The following CHD3 variants were observed in gnomAD, a reference collection of about 807,000 sequenced individuals.
The protein encoded by CHD3 is chromodomain helicase DNA binding protein 3, also known as ATP-dependent chromatin remodeler CHD3.
In CHD3, 52 loss-of-function variants were observed where a neutral mutation model predicts 248.9. The observed-to-expected ratio is 0.21, with a 90% CI of 0.17 to 0.26. CHD3 has a LOEUF of 0.26. CHD3 is among the 10% of genes least tolerant of loss of function. CHD3 has a pLI of 1.00. For synonymous variants in CHD3, 985 were observed against 985.2 expected, an observed-to-expected ratio of 1.00 and a Z score of 0.00; for missense variants, 1,482 against 2,605.8, an observed-to-expected ratio of 0.57 and a Z score of 9.39.
At chr17:7,898,760 A>C (rs1480054376) in intron 13 of CHD3, among the ~76,000 whole-genome samples, 165 bp downstream of exon 13, 7 of 152,200 alleles carry the variant, frequency 4.6e-5, no homozygotes. Flanking sequence ...TTTGGCCTGA[A>C]AGGGCAGGAG....
At chr17:7,885,043 G>GCCGCCACCGCTGCCC, upstream of CHD3, 1 of 1,088,848 alleles carries the variant, frequency 9.2e-7, no homozygotes, top group Non-Finnish European at 1.1e-6. Flanking sequence ...CGCCGCCGCC[G>GCCGCCACCGCTGCCC]CCGCCACCGC....
rs367926390 is a variant in CHD3 at position 7,895,202 on chromosome 17, C to G, written c.1503+52C>G. On this transcript the variant is annotated intron_variant, in intron 9 of 39. Coordinates refer to ENST00000330494, the MANE Select transcript of CHD3 (RefSeq NM_001005273.3). The surrounding 1 kb of genome is among the most constrained non-coding windows in gnomAD (Gnocchi z 4.9). ...TTTACTGTCAGGCCTGATCCCTTCC[C>G]CCATCCCTGGGGCCCACATGTCCAG... is the stretch of plus-strand genomic sequence containing the variant. 5 of 1,593,292 alleles carry G rather than the reference C, an allele frequency of 3.1e-6. No homozygotes were observed. The highest frequency in any genetic ancestry group is 1.1e-5 in the South Asian group (1 of 88,000).
rs746466089 is a variant in CHD3, at chr17:7,903,108, G to C, written c.3495+47G>C. On this transcript the variant is annotated intron_variant, in intron 22 of 39. Transcript: ENST00000330494. This position sits in a 1 kb window ranked among gnomAD's most constrained non-coding sequence, Gnocchi z 6.8. ...CCCCTGCACCATTTAGCAAGGAGAT[G>C]TGGGTTCATGGAGGAGGGTGTCATG... The C allele has an allele frequency of 5.6e-6, 9 of 1,598,104 alleles. No individual in the cohort carries two copies. The highest frequency in any genetic ancestry group is 7.7e-6 in the Non-Finnish European group (9 of 1,168,642).
chr17:7,907,792 G>T lies in CHD3; in HGVS notation c.5026+90G>T. The T allele has an allele frequency of 1.3e-6, 2 of 1,508,142 alleles. No homozygotes were observed. Among genetic ancestry groups the T allele is most frequent in the South Asian group, 2.6e-5 (2 of 77,582 alleles). 93.4% of individuals were successfully genotyped at this position (1,508,142 alleles called of 1,614,324 possible). ...AACCGAATGCTTGGGTCCTGGGCGG[G>T]TAGCTGTTTGAAAGGCCAGTACAGT... On this transcript the variant is annotated intron_variant, in intron 33 of 39. Coordinates refer to ENST00000330494, the MANE Select transcript of CHD3 (RefSeq NM_001005273.3). The surrounding 1 kb of genome is among the most constrained non-coding windows in gnomAD (Gnocchi z 4.3).
At chr17:7,890,851 G>A in intron 3 of CHD3, 89 bp from the exon 4 acceptor site, 2 of 1,591,196 alleles carry the variant, frequency 1.3e-6, no homozygotes, top group Non-Finnish European at 1.7e-6. Flanking sequence ...GAAAGCCCAG[G>A]GAAGCTAGTG....
At position 7,904,655 on chromosome 17, in the gene CHD3, G is replaced by T. The variant is rs918307229; in HGVS notation, c.4072+36G>T. On this transcript the variant is annotated intron_variant, in intron 25 of 39. Coordinates refer to ENST00000330494, the MANE Select transcript of CHD3 (RefSeq NM_001005273.3). This position sits in a 1 kb window ranked among gnomAD's most constrained non-coding sequence, Gnocchi z 4.4. ...CCCCAGATGCAGGCAGTAAAGGGGG[G>T]AAGTGATGATGAGTAGGGACTTGAA... 8 of 1,587,038 alleles carry T rather than the reference G, an allele frequency of 5.0e-6. No individual in the cohort carries two copies. In the Admixed American group the frequency reaches 1.4e-4, roughly 27 times the overall value.
rs201161801 is a variant in CHD3 at position 7,907,640 on chromosome 17, C to T, written c.4964C>T (p.Pro1655Leu). The change falls in exon 33 of 40, where the codon CCG (proline) becomes CTG (leucine). Residue 1655 changes from proline to leucine, a missense_variant. This residue lies in a region of CHD3 where 254 missense variants were observed against 266.7 expected (regional missense o/e 0.95). Transcript: ENST00000330494. The surrounding 1 kb of genome is among the most constrained non-coding windows in gnomAD (Gnocchi z 4.3). ...CCAGGAGAAAGGGGGGAGGAGAAGC[C>T]GTTGGATGGACAGGAACACAGGGAG... The part of the protein sequence containing the change: ...STPGERGEEK[P>L]LDGQEHRERP... The T allele has an allele frequency of 3.1e-5, 47 of 1,527,260 alleles. No individual in the cohort carries two copies. Among genetic ancestry groups the T allele is most frequent in the Non-Finnish European group, 4.0e-5 (46 of 1,142,890 alleles). The allele number at this position is 1,527,260 out of a possible 1,614,324, so 94.6% of individuals were successfully genotyped here. A position where few individuals can be genotyped will look rare whatever the true frequency, so the allele number is the denominator to read the frequency against.
upstream of CHD3, chr17:7,884,893 C>CGAGGAGGAG (rs770383628): frequency 6.2e-6 from 8 of 1,280,720 alleles, no homozygotes; most frequent in Admixed American, 2.7e-5. Flanking sequence ...AAGAGGGCGA[C>CGAGGAGGAG]GAGGAGGAGG....
At chr17:7,894,677 T>C in intron 8 of CHD3, 69 bp downstream of exon 8, 1 of 1,518,200 alleles carries the variant, frequency 6.6e-7, no homozygotes, top group Non-Finnish European at 9.0e-7. Context: ...TTGGTTTCAC[T>C]TACCCTCTTC....
At position 7,889,135 on chromosome 17, in the gene CHD3, C is replaced by T. The variant is rs1597913500; in HGVS notation, c.100+35C>T. The T allele has an allele frequency of 6.2e-7, 1 of 1,613,692 alleles. No individual in the cohort carries two copies. The highest frequency in any genetic ancestry group is 1.1e-5 in the South Asian group (1 of 91,056). On this transcript the variant is annotated intron_variant, in intron 1 of 39. Coordinates refer to ENST00000330494, the MANE Select transcript of CHD3 (RefSeq NM_001005273.3). The surrounding 1 kb of genome is among the most constrained non-coding windows in gnomAD (Gnocchi z 4.5). ...CGAGGAAATGTAAATAGAGGCCTCC[C>T]TCTTGGCAAAAGGATGTCAGGGCCC...
In CHD3 at chr17:7,903,156, C is replaced by T. The variant is rs374396701; in HGVS notation, c.3495+95C>T. On this transcript the variant is annotated intron_variant, in intron 22 of 39. Transcript: ENST00000330494. The surrounding 1 kb of genome is among the most constrained non-coding windows in gnomAD (Gnocchi z 6.8). Reference sequence around the variant, plus strand: ...ATGTTCCGGGGTCAGAAATAAATCTCTTCTGGGAGGAGAGAAGGCCCTTCT... The same window carrying T: ...ATGTTCCGGGGTCAGAAATAAATCTTTTCTGGGAGGAGAGAAGGCCCTTCT... 4.4e-6 allele frequency: 7 copies of T among 1,574,148 alleles called. No individual in the cohort carries two copies. In the African/African-American group the frequency reaches 8.1e-5, roughly 18 times the overall value.
Position 7,899,039 on chromosome 17 carries a change from G to T in CHD3, c.2180G>T (p.Arg727Leu), listed in dbSNP as rs1276632879. ...DPTVKYETQP[R>L]FITATGGTLH... ...ACCGTGAAATATGAGACTCAGCCAC[G>T]GTTTATCACAGCCACTGGAGGCACC... The change falls in exon 14 of 40, where the codon CGG becomes CTG. Residue 727 changes from arginine to leucine, a missense_variant. By Grantham distance (102) the Arg-to-Leu change is moderately radical. This residue lies in a region of CHD3 where 127 missense variants were observed against 188.3 expected (regional missense o/e 0.67). Coordinates refer to ENST00000330494, the MANE Select transcript of CHD3 (RefSeq NM_001005273.3). This position sits in a 1 kb window ranked among gnomAD's most constrained non-coding sequence, Gnocchi z 6.8. The T allele has an allele frequency of 6.2e-7, 1 of 1,614,070 alleles. No homozygotes were observed. Among genetic ancestry groups the T allele is most frequent in the Non-Finnish European group, 8.5e-7 (1 of 1,180,016 alleles).
intron 4 of CHD3, among the ~76,000 whole-genome samples, chr17:7,891,689 C>T (rs1404392652): frequency 2.0e-5 from 3 of 151,926 alleles, no homozygotes; most frequent in African/African-American, 2.4e-5. Context: ...GGTGAAACCC[C>T]GTCTCTACTA....
chr17:7,912,265 A>AC lies in CHD3; in HGVS notation c.*684dup, dbSNP rs1971751192. 1 of 158,994 alleles carries AC rather than the reference A, an allele frequency of 6.3e-6. No individual in the cohort carries two copies. The highest frequency in any genetic ancestry group is 2.4e-5 in the African/African-American group (1 of 41,374). 9.8% of individuals were successfully genotyped at this position (158,994 alleles called of 1,614,324 possible). On this transcript the variant is annotated 3_prime_UTR_variant, in exon 40 of 40. Transcript: ENST00000330494. ...CCCCCCTCCCTAGGGACCAAGGACC[A>AC]CCCCTACAAAAAGAGTAATGGTTGG...
rs999819332 is a variant in CHD3, at chr17:7,902,803, G to A, written c.3370+76G>A. 7.6e-6 allele frequency: 12 copies of A among 1,585,882 alleles called. No homozygotes were observed. The Admixed American group carries it at 2.1e-4, about 27-fold the overall frequency. ...GTGATAGGTCCCTGGGATGGGAGGG[G>A]GACTGGCTTGGGGGACATTGGAAAC... On this transcript the variant is annotated intron_variant, in intron 21 of 39. Coordinates refer to ENST00000330494, the MANE Select transcript of CHD3 (RefSeq NM_001005273.3).
At position 7,889,987 on chromosome 17, in the gene CHD3, C is replaced by G. The variant is rs1050458431; in HGVS notation, c.213+211C>G. Among the ~76,000 whole-genome samples, 1 of 152,194 alleles carries G rather than the reference C, an allele frequency of 6.6e-6. No individual in the cohort carries two copies. The highest frequency in any genetic ancestry group is 1.5e-5 in the Non-Finnish European group (1 of 68,042). ...TCATTCACTGCAACCTAGTGAAGAG[C>G]CTCGTTGTCAGTGTGTCCTCAGCAG... On this transcript the variant is annotated intron_variant, in intron 2 of 39. Coordinates refer to ENST00000330494, the MANE Select transcript of CHD3 (RefSeq NM_001005273.3). The surrounding 1 kb of genome is among the most constrained non-coding windows in gnomAD (Gnocchi z 4.5).
upstream of CHD3, chr17:7,885,365 G>A (rs1210431354): frequency 1.4e-5 from 2 of 147,558 alleles, no homozygotes; most frequent in Non-Finnish European, 2.8e-5. Context: ...GGAGAGCGCT[G>A]GGCGCGAGCT....
chr17:7,898,203 T>C, intron 12 of CHD3, 101 bp downstream of exon 12: 1 of 1,429,840 alleles, frequency 7.0e-7, no homozygotes, highest in Non-Finnish European at 9.5e-7. Flanking sequence ...TGATTCAACC[T>C]GGAGTTCAGG....
At position 7,909,044 on chromosome 17, in the gene CHD3, C is replaced by A; in HGVS notation, c.5395-99C>A. ...TGGAGCTGGGAGTGCCCTGGGCCAG[C>A]AGTGAGGGCAGGGTGGGTCTCTTGC... On this transcript the variant is annotated intron_variant, in intron 36 of 39. Coordinates refer to ENST00000330494, the MANE Select transcript of CHD3 (RefSeq NM_001005273.3). This position sits in a 1 kb window ranked among gnomAD's most constrained non-coding sequence, Gnocchi z 8.1. The A allele has an allele frequency of 2.7e-6, 4 of 1,483,690 alleles. No homozygotes were observed. Among genetic ancestry groups the A allele is most frequent in the South Asian group, 2.5e-5 (2 of 79,622 alleles). The allele number at this position is 1,483,690 out of a possible 1,614,324, so 91.9% of individuals were successfully genotyped here.
Sources: allele counts gnomAD v4.1 joint callset (sites outside exome capture counted in the v4.1 genomes callset), GRCh38; gene constraint gnomAD v4.1.1; regional missense constraint gnomAD v4.1.1; non-coding constraint Gnocchi (gnomAD v3.1); transcripts MANE v1.5; gene names NCBI Gene and HGNC (gene_info 2026-07-23, HGNC 2026-07-21).